The following CADM2 variants were observed in gnomAD, a reference collection of about 807,000 sequenced individuals.
The protein encoded by CADM2 is immunoglobulin superfamily member 4D.
In CADM2, 12 loss-of-function variants were observed where a neutral mutation model predicts 49.8. The ratio of observed to expected loss-of-function variants is 0.24; its 90% confidence interval spans 0.15 to 0.39. The LOEUF is 0.39. CADM2 is among the 10% of genes least tolerant of loss of function. CADM2 has a pLI of 1.00. For missense variants in CADM2, 378 were observed against 492.3 expected (o/e 0.77, Z 2.20); for synonymous variants, 214 against 175.4 (o/e 1.22, Z -1.74).
chr3:85,678,730 T>G (rs2065954129), intron 1 of CADM2, among the ~76,000 whole-genome samples: 1 of 152,230 alleles, frequency 6.6e-6, no homozygotes, highest in Admixed American at 6.5e-5. Context: ...AACATTTGGT[T>G]GTATGATGAC....
intron 1 of CADM2, among the ~76,000 whole-genome samples, chr3:85,194,525 T>C (rs2041290900): frequency 2.0e-5 from 3 of 152,064 alleles, no homozygotes; most frequent in Admixed American, 2.0e-4. Flanking sequence ...AATTTATTTC[T>C]AATGATGGAG....
intron 1 of CADM2, among the ~76,000 whole-genome samples, chr3:85,566,685 G>T (rs757245822): frequency 6.6e-6 from 1 of 152,096 alleles, no homozygotes; most frequent in Non-Finnish European, 1.5e-5. Context: ...ATTAGAATCC[G>T]AGTGTGTTGA....
intron 1 of CADM2, among the ~76,000 whole-genome samples, chr3:85,296,647 A>G (rs1412953017): frequency 6.6e-6 from 1 of 152,172 alleles, no homozygotes; most frequent in African/African-American, 2.4e-5. Context: ...CTTCATTCCT[A>G]CAGAATAAAA....
intron 2 of CADM2, among the ~76,000 whole-genome samples, chr3:85,777,502 G>T (rs547849045): frequency 1.3e-5 from 2 of 152,110 alleles, no homozygotes; most frequent in Admixed American, 6.6e-5. Context: ...TGATCAGCCC[G>T]CCTTGGGCTC....
intron 1 of CADM2, among the ~76,000 whole-genome samples, chr3:85,267,572 A>G (rs749211342): frequency 2.6e-5 from 4 of 151,552 alleles, no homozygotes; most frequent in Non-Finnish European, 5.9e-5. Flanking sequence ...TTATTATATT[A>G]TCTTCCTTTC....
intron 1 of CADM2, among the ~76,000 whole-genome samples, chr3:85,088,745 A>T (rs1051078159): frequency 1.3e-5 from 2 of 152,186 alleles, no homozygotes; most frequent in Non-Finnish European, 2.9e-5. Context: ...CACTGATTTG[A>T]CATAAAATTG....
chr3:85,809,790 CTCTTTCTT>C (rs1553690316), intron 3 of CADM2, among the ~76,000 whole-genome samples: 2 of 98,890 alleles, frequency 2.0e-5, no homozygotes, highest in South Asian at 3.8e-4. Context: ...CTCTCTCTCT[CTCTTTCTT>C]TCTTTCTTTC....
Position 85,335,304 on chromosome 3 carries a change from G to A in CADM2, c.61+375636G>A, listed in dbSNP as rs191234631. On this transcript the variant is annotated intron_variant, in intron 1 of 9. Transcript: ENST00000383699. ...AATCAGTGGCCTGCTACTTTATATC[G>A]GGGTAGCATTTTGCACTTGGCTCCA... Among the ~76,000 whole-genome samples the A allele has an allele frequency of 4.6e-5, 7 of 151,402 alleles. No individual in the cohort carries two copies. The East Asian group carries it at 7.7e-4, about 17-fold the overall frequency.
chr3:85,126,973 G>C (rs545630968), intron 1 of CADM2, among the ~76,000 whole-genome samples: 3 of 152,214 alleles, frequency 2.0e-5, no homozygotes, highest in South Asian at 4.1e-4. Context: ...CTGTTATTTG[G>C]ATAGTAAGTA....
Position 85,142,796 on chromosome 3 carries a change from C to G in CADM2, c.61+183128C>G, listed in dbSNP as rs563395124. ...ATCTGTTAATTTCAGCCATATTAAC[C>G]AGCCATGAGAATTCCCGCACAGTCT... On this transcript the variant is annotated intron_variant, in intron 1 of 9. Coordinates refer to ENST00000383699, the MANE Select transcript of CADM2 (RefSeq NM_001167675.2). 6.6e-5 allele frequency among the ~76,000 whole-genome samples: 10 copies of G among 152,174 alleles called. 1 individual carries two copies. In the East Asian group the frequency reaches 1.7e-3, roughly 26 times the overall value.
chr3:86,060,138 A>G (rs996476560), intron 8 of CADM2, among the ~76,000 whole-genome samples: 4 of 152,096 alleles, frequency 2.6e-5, no homozygotes, highest in African/African-American at 9.7e-5. Flanking sequence ...CTCTGAATGT[A>G]TCTGAAACAA....
chr3:86,044,454 G>A (rs1736379440), intron 8 of CADM2, among the ~76,000 whole-genome samples: 1 of 152,140 alleles, frequency 6.6e-6, no homozygotes, highest in African/African-American at 2.4e-5. Flanking sequence ...AAAGACACAT[G>A]AAAAAATGCT....
At chr3:85,032,920 C>G (rs2035049631) in intron 1 of CADM2, among the ~76,000 whole-genome samples, 1 of 151,976 alleles carries the variant, frequency 6.6e-6, no homozygotes, top group African/African-American at 2.4e-5. Flanking sequence ...ATTTCTTTTT[C>G]TTAATAAATC....
At chr3:85,976,680 T>A (rs982902522) in intron 8 of CADM2, among the ~76,000 whole-genome samples, 1 of 151,564 alleles carries the variant, frequency 6.6e-6, no homozygotes, top group Admixed American at 6.6e-5. Flanking sequence ...TTATGACAAG[T>A]CATTTTTTAA....
rs567151496 is a variant in CADM2, at chr3:85,227,272, G to C, written c.61+267604G>C. Among the ~76,000 whole-genome samples, 5 of 152,054 alleles carry C rather than the reference G, an allele frequency of 3.3e-5. No homozygotes were observed. In the South Asian group the frequency reaches 1.0e-3, roughly 32 times the overall value. Reference sequence around the variant, plus strand: ...GTGTGGGAGTCTAAGTCTTTTTGTAGGTCTCTAAGAACTTGCTTTATGGAT... The same window carrying C: ...GTGTGGGAGTCTAAGTCTTTTTGTACGTCTCTAAGAACTTGCTTTATGGAT... On this transcript the variant is annotated intron_variant, in intron 1 of 9. Transcript: ENST00000383699.
At chr3:85,990,166 C>T (rs1026015855) in intron 8 of CADM2, among the ~76,000 whole-genome samples, 7 of 151,812 alleles carry the variant, frequency 4.6e-5, no homozygotes, top group African/African-American at 1.7e-4. Flanking sequence ...TTTGCCTTCA[C>T]GATGGCACAA....
At chr3:85,472,004 G>C (rs2038791169) in intron 1 of CADM2, among the ~76,000 whole-genome samples, 1 of 151,848 alleles carries the variant, frequency 6.6e-6, no homozygotes, top group South Asian at 2.1e-4. Context: ...GAGACTCTTA[G>C]TGTAGTAAAA....
intron 1 of CADM2, among the ~76,000 whole-genome samples, chr3:85,677,543 C>G (rs188255157): frequency 3.3e-5 from 5 of 151,840 alleles, no homozygotes; most frequent in African/African-American, 2.4e-5. Flanking sequence ...AAAAGAAACT[C>G]GGTATATTTC....
chr3:85,171,833 G>T (rs1023136388), intron 1 of CADM2, among the ~76,000 whole-genome samples: 1 of 152,104 alleles, frequency 6.6e-6, no homozygotes, highest in Non-Finnish European at 1.5e-5. Context: ...AAACCTCATG[G>T]TGTGATGCAG....
Sources: gnomAD v4.1 joint callset for allele counts (sites outside exome capture counted in the v4.1 genomes callset) on GRCh38, gnomAD v4.1.1 for gene constraint, MANE v1.5 for transcripts, NCBI Gene and HGNC (gene_info 2026-07-23, HGNC 2026-07-21) for gene names.